Variants in ZEB2 observed in about 807,000 individuals in gnomAD.
ZEB2 encodes the protein zinc finger E-box binding homeobox 2.
In ZEB2, 6 loss-of-function variants were observed where a neutral mutation model predicts 99.9. The observed-to-expected ratio is 0.06, with a 90% CI of 0.03 to 0.12. ZEB2 has a LOEUF of 0.12. Ranked by LOEUF, ZEB2 falls within the 10% of genes least tolerant of loss-of-function variation. The pLI is 1.00. For synonymous variants in ZEB2, 517 were observed against 542.5 expected (o/e 0.95, Z 0.65); for missense variants, 969 against 1,502.8 (o/e 0.64, Z 5.87).
chr2:144,486,021 C>T (rs1248257311), intron 2 of ZEB2, among the ~76,000 whole-genome samples: 1 of 152,136 alleles, frequency 6.6e-6, no homozygotes, highest in South Asian at 2.1e-4. Flanking sequence ...TGTTATTTGC[C>T]AAAACCTCTG....
intron 5 of ZEB2, 29 bp from the exon 6 acceptor site, chr2:144,404,159 A>G: frequency 1.2e-6 from 2 of 1,604,664 alleles, no homozygotes; most frequent in Non-Finnish European, 1.7e-6. Flanking sequence ...GAGAGAGAGA[A>G]GCGGGCCAAA....
chr2:144,406,586 A>G (rs1397199594), intron 4 of ZEB2, among the ~76,000 whole-genome samples: 1 of 152,132 alleles, frequency 6.6e-6, no homozygotes, highest in Non-Finnish European at 1.5e-5. Context: ...TTAAAAAAAA[A>G]GGACAGTGCT....
intron 4 of ZEB2, among the ~76,000 whole-genome samples, chr2:144,405,741 G>A (rs1447639555): frequency 6.6e-6 from 1 of 152,136 alleles, no homozygotes; most frequent in Non-Finnish European, 1.5e-5. Context: ...AAGTAACAGA[G>A]GGAGTTAAGA....
At chr2:144,429,471 C>T (rs1703738319) in intron 3 of ZEB2, 2 of 407,746 alleles carry the variant, frequency 4.9e-6, no homozygotes, top group East Asian at 1.0e-4. Context: ...GATCATGTTA[C>T]ATAATTTGCA....
intron 2 of ZEB2, 112 bp from the exon 3 acceptor site, chr2:144,430,138 C>T: frequency 2.1e-6 from 3 of 1,436,920 alleles, no homozygotes; most frequent in Non-Finnish European, 2.9e-6. Context: ...CTGAATTACT[C>T]AACCATGTCA....
At chr2:144,511,364 C>T (rs1321604918) in intron 2 of ZEB2, 26 of 1,179,784 alleles carry the variant, frequency 2.2e-5, no homozygotes, top group East Asian at 5.9e-5. Context: ...TGCACATACA[C>T]AGCATAAAAA....
At chr2:144,436,740 T>C (rs1055701373) in intron 2 of ZEB2, among the ~76,000 whole-genome samples, 2 of 152,178 alleles carry the variant, frequency 1.3e-5, no homozygotes, top group Non-Finnish European at 2.9e-5. Flanking sequence ...ATATGTAATT[T>C]TCCCCTCCAA....
At position 144,399,947 on chromosome 2, in the gene ZEB2, G is replaced by A. The variant is rs755425183; in HGVS notation, c.1240C>T (p.Pro414Ser). The A allele has an allele frequency of 1.2e-6, 2 of 1,614,068 alleles. No individual in the cohort carries two copies. The highest frequency in any genetic ancestry group is 4.5e-5 in the East Asian group (2 of 44,904). Residue 414 changes from proline to serine, a missense_variant, in exon 8 of 10, where the codon CCC becomes TCC. By Grantham distance (74) the Pro-to-Ser change is moderately conservative. Coordinates refer to ENST00000627532, the MANE Select transcript of ZEB2 (RefSeq NM_014795.4). The surrounding 1 kb of genome is among the most constrained non-coding windows in gnomAD (Gnocchi z 5.6). ...GCTCCAAGCCCACCATTCATAAAGG[G>A]ACTAGTGCCACTAAACCCGTGTGTA... ...MATHGFSGTS[P>S]FMNGGLGATS... is the part of the protein sequence containing the mutation.
intron 2 of ZEB2, among the ~76,000 whole-genome samples, chr2:144,499,436 G>A (rs963519149): frequency 3.9e-5 from 6 of 152,214 alleles, no homozygotes; most frequent in East Asian, 1.9e-4. Context: ...CCAATAGAAC[G>A]CTTGAAATAT....
At chr2:144,455,082 A>T (rs1704103521) in intron 2 of ZEB2, 1 of 152,216 alleles carries the variant, frequency 6.6e-6, no homozygotes, top group South Asian at 2.1e-4. Context: ...AATCAAATTC[A>T]GTCAGAGATA....
intron 6 of ZEB2, 36 bp from the exon 7 acceptor site, chr2:144,401,343 A>T: frequency 6.2e-7 from 1 of 1,603,594 alleles, no homozygotes; most frequent in Non-Finnish European, 8.5e-7. Context: ...AGTTTTGTGC[A>T]GGAGGAACAA....
chr2:144,411,429 C>T (rs1429141047), intron 4 of ZEB2, among the ~76,000 whole-genome samples: 1 of 152,068 alleles, frequency 6.6e-6, no homozygotes, highest in African/African-American at 2.4e-5. Flanking sequence ...CTCATGGCTA[C>T]TTTGTTTAAA....
chr2:144,512,537 G>C (rs892456344), intron 2 of ZEB2: 6 of 1,287,204 alleles, frequency 4.7e-6, no homozygotes, highest in Admixed American at 4.6e-5. Context: ...CAGTTGAGCA[G>C]GGAACTTTAA....
chr2:144,519,129 G>A (rs1705222434), intron 1 of ZEB2, among the ~76,000 whole-genome samples: 1 of 152,140 alleles, frequency 6.6e-6, no homozygotes, highest in African/African-American at 2.4e-5. Context: ...GTGTGTATGT[G>A]TCTTCTATTA....
chr2:144,405,234 A>G (rs759601192), intron 4 of ZEB2: 5 of 595,276 alleles, frequency 8.4e-6, no homozygotes, highest in African/African-American at 3.7e-5. Context: ...TTCAAGTTAA[A>G]TAAGCACATT....
intron 2 of ZEB2, chr2:144,495,136 C>T (rs1258981946): frequency 6.6e-6 from 1 of 152,184 alleles, no homozygotes; most frequent in Non-Finnish European, 1.5e-5. Context: ...TTAAACTAGT[C>T]TATGCAGGTT....
In ZEB2 at chr2:144,460,364, TTCTC is replaced by T. The variant is rs901907630; in HGVS notation, c.74-30342_74-30339del. ...TGGTTGTTCTTTCATTTTCTTTTCT[TTCTC>T]TCTCTCTCTATTTATTTATTTATTT... On this transcript the variant is annotated intron_variant, in intron 2 of 9. Coordinates refer to ENST00000627532, the MANE Select transcript of ZEB2 (RefSeq NM_014795.4). 2.4e-4 allele frequency among the ~76,000 whole-genome samples: 37 copies of T among 152,162 alleles called. No homozygotes were observed. In the South Asian group the frequency reaches 3.7e-3, roughly 15 times the overall value.
chr2:144,504,079 GAAAA>G (rs199809708), intron 2 of ZEB2: 4 of 80,292 alleles, frequency 5.0e-5, no homozygotes, highest in South Asian at 4.8e-4. Context: ...TTAACAATTA[GAAAA>G]AAAAAAAAAA....
intron 2 of ZEB2, among the ~76,000 whole-genome samples, chr2:144,498,073 T>TA (rs1464484791): frequency 6.7e-5 from 4 of 59,812 alleles, no homozygotes; most frequent in Non-Finnish European, 1.3e-4. Flanking sequence ...ATATTAATAT[T>TA]ATATATTATA....
Sources: allele counts gnomAD v4.1 joint callset (sites outside exome capture counted in the v4.1 genomes callset), GRCh38; gene constraint gnomAD v4.1.1; non-coding constraint Gnocchi (gnomAD v3.1); transcripts MANE v1.5; gene names NCBI Gene and HGNC (gene_info 2026-07-23, HGNC 2026-07-21).